The following METTL25 variants were observed in gnomAD, a reference collection of about 807,000 sequenced individuals.
METTL25 encodes methyltransferase like 25, also known as probable methyltransferase-like protein 25.
Under a neutral mutation model 71.6 loss-of-function variants are expected in METTL25, and 64 were observed. That is an observed-to-expected ratio of 0.89 (90% CI 0.73 to 1.10). METTL25 has a LOEUF of 1.10. METTL25 is among the 50% of genes least tolerant of loss of function. The probability of loss-of-function intolerance (pLI) is 0.00; values close to 1 mark genes in which losing one functional copy is unlikely to be tolerated. For missense variants in METTL25, 807 were observed against 707.0 expected (o/e 1.14, Z -1.60); for synonymous variants, 287 against 250.3 (o/e 1.15, Z -1.38).
intron 3 of METTL25, among the ~76,000 whole-genome samples, chr12:82,397,624 T>C (rs1342195930): frequency 6.6e-6 from 1 of 152,036 alleles, no homozygotes; most frequent in Non-Finnish European, 1.5e-5. Context: ...GTTTGATTTG[T>C]AGCAGACAAA....
chr12:82,362,096 T>A (rs1358940582), intron 1 of METTL25, among the ~76,000 whole-genome samples: 1 of 152,156 alleles, frequency 6.6e-6, no homozygotes. Context: ...TGGAACAAAG[T>A]TTTTTCTAAA....
chr12:82,394,079 A>G (rs565461140), intron 3 of METTL25, among the ~76,000 whole-genome samples: 1 of 152,108 alleles, frequency 6.6e-6, no homozygotes, highest in South Asian at 2.1e-4. Context: ...GATATTTGAC[A>G]TAATTTCAAT....
At position 82,477,611 on chromosome 12, in the gene METTL25, A is replaced by G. The variant is rs150384842; in HGVS notation, c.1719+259A>G. Among the ~76,000 whole-genome samples the G allele has an allele frequency of 2.6e-3, 390 of 151,966 alleles. 2 individuals are homozygous for G. Among genetic ancestry groups the G allele is most frequent in the African/African-American group, 8.8e-3 (367 of 41,576 alleles). On this transcript the variant is annotated intron_variant, in intron 11 of 11. Transcript: ENST00000248306. ...TAATTACTATACATAGGCAGTGAACATAAACTGCTATATATGAAATATTGT... is the reference window on the plus strand; with the variant it reads ...TAATTACTATACATAGGCAGTGAACGTAAACTGCTATATATGAAATATTGT...
At chr12:82,466,816 C>A (rs1419030815) in intron 9 of METTL25, among the ~76,000 whole-genome samples, 1 of 152,042 alleles carries the variant, frequency 6.6e-6, no homozygotes. Context: ...TATTCTTTTG[C>A]TAAAGTATTC....
At chr12:82,390,142 T>G (rs1465482761) in intron 3 of METTL25, among the ~76,000 whole-genome samples, 1 of 152,134 alleles carries the variant, frequency 6.6e-6, no homozygotes, top group Non-Finnish European at 1.5e-5. Context: ...AAGACATGAC[T>G]GTTAATGTTT....
At position 82,393,270 on chromosome 12, in the gene METTL25, T is replaced by C. The variant is rs150618658; in HGVS notation, c.531+3348T>C. Among the ~76,000 whole-genome samples the C allele has an allele frequency of 2.7e-3, 411 of 152,226 alleles. 3 individuals are homozygous for C. Among genetic ancestry groups the C allele is most frequent in the African/African-American group, 9.3e-3 (386 of 41,552 alleles). On this transcript the variant is annotated intron_variant, in intron 3 of 11. Coordinates refer to ENST00000248306, the MANE Select transcript of METTL25 (RefSeq NM_032230.3). The stretch of plus-strand genomic sequence containing the variant: ...TCCCCTAATCCATGAACATGAAATA[T>C]CTTTCAGTTTTTTTGTGTCCTCATC...
At chr12:82,371,848 A>G (rs1645919064) in intron 1 of METTL25, among the ~76,000 whole-genome samples, 1 of 152,130 alleles carries the variant, frequency 6.6e-6, no homozygotes. Flanking sequence ...GTGGACATCA[A>G]TGAATAATTT....
At chr12:82,403,448 CTGAG>C (rs1886818631) in intron 5 of METTL25, among the ~76,000 whole-genome samples, 1 of 152,066 alleles carries the variant, frequency 6.6e-6, no homozygotes, top group Admixed American at 6.6e-5. Flanking sequence ...TATACATTTA[CTGAG>C]TTAGTAAAAC....
chr12:82,463,560 T>G (rs559992805), intron 9 of METTL25, among the ~76,000 whole-genome samples: 1 of 152,150 alleles, frequency 6.6e-6, no homozygotes, highest in African/African-American at 2.4e-5. Flanking sequence ...TGCAGATAGC[T>G]CTTTGATATA....
rs1364932378 is a variant in METTL25 at position 82,450,957 on chromosome 12, A to T, written c.1479-5770A>T. On this transcript the variant is annotated intron_variant, in intron 8 of 11. Transcript: ENST00000248306. ...TTCTCTCCTCTATCACCAGGTTTTC[A>T]TCAGCTCTTACTATCTAATATATTA... Among the ~76,000 whole-genome samples, 3 of 152,004 alleles carry T rather than the reference A, an allele frequency of 2.0e-5. No homozygotes were observed. The East Asian group carries it at 5.8e-4, about 29-fold the overall frequency.
chr12:82,412,444 T>C (rs143557016), intron 5 of METTL25, among the ~76,000 whole-genome samples: 295 of 152,216 alleles, frequency 1.9e-3, no homozygotes, highest in South Asian at 0.016. Flanking sequence ...TGTGCAAGTA[T>C]ACCTAATGTG....
At chr12:82,370,786 C>G (rs1176008746) in intron 1 of METTL25, among the ~76,000 whole-genome samples, 1 of 152,128 alleles carries the variant, frequency 6.6e-6, no homozygotes, top group Non-Finnish European at 1.5e-5. Flanking sequence ...TCCTCCCTCT[C>G]TCTCTCTGAC....
At chr12:82,386,366 G>A (rs1443877272) in intron 1 of METTL25, among the ~76,000 whole-genome samples, 1 of 152,014 alleles carries the variant, frequency 6.6e-6, no homozygotes, top group Non-Finnish European at 1.5e-5. Context: ...GGCCAGCCAG[G>A]ACAGTTCGTA....
chr12:82,361,587 GAGAATT>G, intron 1 of METTL25, among the ~76,000 whole-genome samples: 1 of 152,322 alleles, frequency 6.6e-6, no homozygotes, highest in African/African-American at 2.4e-5. Flanking sequence ...GAGGCCCGGT[GAGAATT>G]CAAGAGCAGC....
intron 6 of METTL25, among the ~76,000 whole-genome samples, chr12:82,434,355 T>C (rs1392763010): frequency 6.6e-6 from 1 of 151,492 alleles, no homozygotes; most frequent in African/African-American, 2.4e-5. Context: ...ATTTATTTGA[T>C]TGTTTTAGCT....
intron 5 of METTL25, among the ~76,000 whole-genome samples, chr12:82,418,678 C>A (rs1419271387): frequency 6.6e-6 from 1 of 152,024 alleles, no homozygotes; most frequent in Non-Finnish European, 1.5e-5. Context: ...CCCAAGAAGG[C>A]AAGTTATGAC....
At chr12:82,438,093 A>G (rs1890053601) in intron 7 of METTL25, among the ~76,000 whole-genome samples, 1 of 151,714 alleles carries the variant, frequency 6.6e-6, no homozygotes, top group Non-Finnish European at 1.5e-5. Context: ...TTTCCATTCA[A>G]AAACCTTTGA....
chr12:82,440,419 C>T (rs545640752), intron 8 of METTL25, among the ~76,000 whole-genome samples: 1 of 152,094 alleles, frequency 6.6e-6, no homozygotes, highest in Admixed American at 6.6e-5. Context: ...CTATTCTTTT[C>T]TTCTTTCTCT....
intron 5 of METTL25, among the ~76,000 whole-genome samples, chr12:82,424,549 T>G (rs1190622570): frequency 0.016 from 2,318 of 146,854 alleles, 64 homozygotes; most frequent in African/African-American, 0.059. Context: ...AAACTATATA[T>G]ATATATATAT....
Sources: allele counts gnomAD v4.1 joint callset (sites outside exome capture counted in the v4.1 genomes callset), GRCh38; gene constraint gnomAD v4.1.1; transcripts MANE v1.5; gene names NCBI Gene and HGNC (gene_info 2026-07-23, HGNC 2026-07-21).